Variants in KIAA1958 observed in about 807,000 individuals in gnomAD.
KIAA1958 encodes the protein uncharacterized protein KIAA1958.
In KIAA1958, 14 loss-of-function variants were observed where a neutral mutation model predicts 47.2. The ratio of observed to expected loss-of-function variants is 0.30; its 90% CI spans 0.20 to 0.46. KIAA1958 has a LOEUF of 0.46. KIAA1958 is among the 20% of genes least tolerant of loss of function. KIAA1958 has a pLI of 1.00. For missense variants in KIAA1958, 803 were observed against 909.2 expected (o/e 0.88, Z 1.50); for synonymous variants, 354 against 353.3 (o/e 1.00, Z -0.02).
chr9:112,548,808 A>C (rs1835088986), intron 1 of KIAA1958, among the ~76,000 whole-genome samples: 1 of 152,242 alleles, frequency 6.6e-6, no homozygotes, highest in African/African-American at 2.4e-5. Context: ...GTCCTTAAAA[A>C]GGTAATTTAT....
chr9:112,642,728 G>T (rs1836913814), intron 2 of KIAA1958, among the ~76,000 whole-genome samples: 1 of 152,100 alleles, frequency 6.6e-6, no homozygotes, highest in Non-Finnish European at 1.5e-5. Context: ...ACCTTTGTTT[G>T]TTTCTTCACC....
intron 2 of KIAA1958, among the ~76,000 whole-genome samples, chr9:112,593,511 T>A (rs774357929): frequency 9.9e-5 from 15 of 152,176 alleles, no homozygotes; most frequent in Non-Finnish European, 1.5e-4. Context: ...ATAATTGGGG[T>A]GGATAAAGAG....
chr9:112,612,227 G>A (rs939257956), intron 2 of KIAA1958, among the ~76,000 whole-genome samples: 20 of 151,858 alleles, frequency 1.3e-4, no homozygotes, highest in African/African-American at 3.4e-4. Flanking sequence ...GGACAACTTC[G>A]TAAGACCCCC....
chr9:112,627,096 A>T (rs1775684584), intron 2 of KIAA1958, among the ~76,000 whole-genome samples: 2 of 152,222 alleles, frequency 1.3e-5, no homozygotes, highest in Admixed American at 1.3e-4. Context: ...AGTGGCCTCT[A>T]CAGAAGGAAA....
chr9:112,524,852 G>A (rs150473465), intron 1 of KIAA1958, among the ~76,000 whole-genome samples: 69 of 152,318 alleles, frequency 4.5e-4, no homozygotes, highest in African/African-American at 1.6e-3. Context: ...ACAGCGCCCT[G>A]ATGCTTCCAA....
At chr9:112,613,877 G>A (rs567597765) in intron 2 of KIAA1958, among the ~76,000 whole-genome samples, 6 of 152,132 alleles carry the variant, frequency 3.9e-5, no homozygotes, top group Non-Finnish European at 5.9e-5. Context: ...CTGAATGCAT[G>A]ATTTCCTGTG....
intron 1 of KIAA1958, among the ~76,000 whole-genome samples, chr9:112,510,047 C>T (rs919036225): frequency 2.0e-5 from 3 of 152,130 alleles, no homozygotes; most frequent in Admixed American, 6.5e-5. Flanking sequence ...AGTGGTGCAG[C>T]CCCTTCCACA....
chr9:112,536,641 G>A (rs1834859293), intron 1 of KIAA1958, among the ~76,000 whole-genome samples: 1 of 152,112 alleles, frequency 6.6e-6, no homozygotes, highest in Non-Finnish European at 1.5e-5. Flanking sequence ...ATACTACTTG[G>A]GCGTGGTGGT....
intron 1 of KIAA1958, among the ~76,000 whole-genome samples, chr9:112,527,752 C>T (rs1834682866): frequency 1.3e-5 from 2 of 151,848 alleles, no homozygotes; most frequent in Non-Finnish European, 1.5e-5. Flanking sequence ...GCCTGGACAA[C>T]GTGGTGAAAC....
At position 112,656,435 on chromosome 9, in the gene KIAA1958, G is replaced by A. The variant is rs186313887; in HGVS notation, c.1345-2828G>A. On this transcript the variant is annotated intron_variant, in intron 3 of 3. Coordinates refer to ENST00000337530, the MANE Select transcript of KIAA1958 (RefSeq NM_133465.4). The stretch of plus-strand genomic sequence containing the variant: ...GGGATACCTGGTTACACAGGCAGTC[G>A]TTGTTTTGAGAGGTACCATATGAAC... 5.3e-5 allele frequency among the ~76,000 whole-genome samples: 8 copies of A among 150,006 alleles called. No individual in the cohort carries two copies. In the East Asian group the frequency reaches 5.9e-4, roughly 11 times the overall value.
rs548833915 is a variant in KIAA1958, at chr9:112,502,089, C to A, written c.-25+14971C>A. Among the ~76,000 whole-genome samples the A allele has an allele frequency of 2.0e-5, 3 of 152,202 alleles. No homozygotes were observed. The South Asian group carries it at 6.2e-4, about 32-fold the overall frequency. ...GTATGAAGTGAAATAATACCCATTT[C>A]TGGTGAGTAGAAAGGAGGAGGGGAG... On this transcript the variant is annotated intron_variant, in intron 1 of 3. Transcript: ENST00000337530.
chr9:112,562,041 G>C (rs947843975), intron 1 of KIAA1958, among the ~76,000 whole-genome samples: 1 of 152,134 alleles, frequency 6.6e-6, no homozygotes, highest in Non-Finnish European at 1.5e-5. Context: ...AGTCTAAGAA[G>C]TCAGAATGTT....
intron 1 of KIAA1958, among the ~76,000 whole-genome samples, chr9:112,489,473 TG>T (rs1480919693): frequency 1.6e-5 from 2 of 122,688 alleles, no homozygotes; most frequent in African/African-American, 6.3e-5. Context: ...TATGTTTTTG[TG>T]TTTTTTTTTT....
rs1319780451 is a variant in KIAA1958, at chr9:112,660,939, G to A, written c.*870G>A. 1 of 152,160 alleles carries A rather than the reference G, an allele frequency of 6.6e-6. No homozygotes were observed. The highest frequency in any genetic ancestry group is 1.5e-5 in the Non-Finnish European group (1 of 68,030). The allele number at this position is 152,160 out of a possible 1,614,324, so 9.4% of individuals were successfully genotyped here. On this transcript the variant is annotated 3_prime_UTR_variant, in exon 4 of 4. Coordinates refer to ENST00000337530, the MANE Select transcript of KIAA1958 (RefSeq NM_133465.4). ...AGCTCCTTTGATTGGAACATTTTTT[G>A]AGGTTTCTGTCTGTTCTTCGTGTCA...
At chr9:112,641,271 G>C (rs571052081) in intron 2 of KIAA1958, among the ~76,000 whole-genome samples, 3 of 150,492 alleles carry the variant, frequency 2.0e-5, no homozygotes, top group Admixed American at 2.0e-4. Context: ...CTTTAGGTAG[G>C]TAATAAATTT....
chr9:112,536,891 G>A (rs1392877676), intron 1 of KIAA1958, among the ~76,000 whole-genome samples: 1 of 152,202 alleles, frequency 6.6e-6, no homozygotes. Flanking sequence ...AAAGATTTAA[G>A]AAGCTAACAT....
chr9:112,568,566 A>G (rs952598865), intron 1 of KIAA1958, among the ~76,000 whole-genome samples: 1 of 152,152 alleles, frequency 6.6e-6, no homozygotes, highest in African/African-American at 2.4e-5. Flanking sequence ...AAGATGAAAT[A>G]CATAGCATAG....
chr9:112,568,352 T>C (rs1835464936), intron 1 of KIAA1958, among the ~76,000 whole-genome samples: 1 of 152,222 alleles, frequency 6.6e-6, no homozygotes, highest in Non-Finnish European at 1.5e-5. Context: ...AGAAATTTTA[T>C]TTTTCACAAA....
chr9:112,598,983 G>C (rs1486365478), intron 2 of KIAA1958, among the ~76,000 whole-genome samples: 1 of 152,110 alleles, frequency 6.6e-6, no homozygotes. Flanking sequence ...TGGGAAGACT[G>C]AGACAGGAGG....
Sources: gnomAD v4.1 joint callset for allele counts (sites outside exome capture counted in the v4.1 genomes callset) on GRCh38, gnomAD v4.1.1 for gene constraint, MANE v1.5 for transcripts, NCBI Gene and HGNC (gene_info 2026-07-23, HGNC 2026-07-21) for gene names.